ATP2C2: variants seen among roughly 807,000 people sequenced by gnomAD.
ATP2C2 encodes the protein calcium-transporting ATPase type 2C member 2.
Under a neutral mutation model 110.8 loss-of-function variants are expected in ATP2C2, and 171 were observed. That is an observed-to-expected ratio of 1.54 (90% confidence interval 1.36 to 1.75). The LOEUF (loss-of-function observed/expected upper bound fraction) is 1.75. Ranked by LOEUF, ATP2C2 falls within the 40% of genes most tolerant of loss-of-function variation. The pLI is 0.00. For synonymous variants in ATP2C2, 804 were observed against 508.4 expected (o/e 1.58, Z -7.82); for missense variants, 1,963 against 1,235.0 (o/e 1.59, Z -8.84).
Position 84,423,173 on chromosome 16 carries a change from T to G in ATP2C2, c.844-15T>G, listed in dbSNP as rs200584392. Reference sequence around the variant, plus strand: ...AGGATCTTGTCCAACTAACCCATTGTGCTCACCCTTTCAGACACCTAAAAC... The same window carrying G: ...AGGATCTTGTCCAACTAACCCATTGGGCTCACCCTTTCAGACACCTAAAAC... On this transcript the variant is annotated splice_polypyrimidine_tract_variant and intron_variant, in intron 9 of 26. Coordinates refer to ENST00000262429, the MANE Select transcript of ATP2C2 (RefSeq NM_014861.4). 3 of 1,612,216 alleles carry G rather than the reference T, an allele frequency of 1.9e-6. No homozygotes were observed. The highest frequency in any genetic ancestry group is 1.3e-5 in the African/African-American group (1 of 75,002).
chr16:84,412,516 GTC>G (rs754872677), intron 6 of ATP2C2, among the ~76,000 whole-genome samples: 3 of 144,456 alleles, frequency 2.1e-5, no homozygotes, highest in African/African-American at 2.6e-5. Flanking sequence ...GTCTGTGTGT[GTC>G]TGTGTGTGCA....
rs1169449886 is a variant in ATP2C2, at chr16:84,459,161, A to T, written c.2189A>T (p.Lys730Ile). Residue 730 changes from lysine (K) to isoleucine (I), a missense_variant, in exon 22 of 27, where the codon AAA (lysine) becomes ATA (isoleucine). Coordinates refer to ENST00000262429, the MANE Select transcript of ATP2C2 (RefSeq NM_014861.4). ...EEGKGIFYNI[K>I]NFVRFQLSTS... ...GGCAAGGGTATTTTTTACAACATCA[A>T]AAACTTTGTCCGATTCCAGCTGAGC... 5 of 1,614,052 alleles carry T rather than the reference A, an allele frequency of 3.1e-6. No homozygotes were observed.
intron 9 of ATP2C2, 43 bp from the exon 10 acceptor site, chr16:84,423,145 G>A (rs764500182): frequency 1.3e-6 from 2 of 1,551,262 alleles, no homozygotes; most frequent in Admixed American, 3.4e-5. Context: ...GCAGGCAGAA[G>A]CTAGGATCTT....
intron 7 of ATP2C2, among the ~76,000 whole-genome samples, chr16:84,421,738 G>A (rs1196396151): frequency 2.6e-5 from 4 of 152,122 alleles, no homozygotes; most frequent in Non-Finnish European, 4.4e-5. Context: ...AACTAGCTAC[G>A]GAAACTTGAA....
At chr16:84,375,779 A>T (rs1309017197) in intron 1 of ATP2C2, among the ~76,000 whole-genome samples, 2 of 152,222 alleles carry the variant, frequency 1.3e-5, no homozygotes, top group East Asian at 3.8e-4. Flanking sequence ...TTATCTTGGG[A>T]TGACAAATTT....
intron 15 of ATP2C2, among the ~76,000 whole-genome samples, chr16:84,443,180 G>T (rs1012498493): frequency 2.0e-5 from 3 of 152,108 alleles, no homozygotes; most frequent in African/African-American, 7.2e-5. Flanking sequence ...TGGGAATGCA[G>T]GTGACAGGAA....
intron 1 of ATP2C2, among the ~76,000 whole-genome samples, chr16:84,397,711 C>G (rs977273386): frequency 7.5e-6 from 1 of 133,838 alleles, no homozygotes. Flanking sequence ...TAGCCAACAA[C>G]TAACAACTGG....
chr16:84,461,635 A>G lies in ATP2C2; in HGVS notation c.2482-79A>G. The G allele has an allele frequency of 2.3e-6, 3 of 1,292,940 alleles. No individual in the cohort carries two copies. The South Asian group carries it at 3.6e-5, about 15-fold the overall frequency. 80.1% of individuals were successfully genotyped at this position (1,292,940 alleles called of 1,614,324 possible). Reference sequence around the variant, plus strand: ...TCCCAGCCATGCCCCAGGAGCAGTGAGGCAGGCCTGTGCCCTTTGGTTCAG... The same window carrying G: ...TCCCAGCCATGCCCCAGGAGCAGTGGGGCAGGCCTGTGCCCTTTGGTTCAG... On this transcript the variant is annotated intron_variant, in intron 24 of 26. Coordinates refer to ENST00000262429, the MANE Select transcript of ATP2C2 (RefSeq NM_014861.4).
intron 1 of ATP2C2, among the ~76,000 whole-genome samples, chr16:84,398,185 T>G (rs1469639236): frequency 2.0e-5 from 3 of 152,028 alleles, no homozygotes. Context: ...GCGGATCACC[T>G]GAGGTCAGGA....
chr16:84,449,574 C>T (rs1358561051), intron 17 of ATP2C2, among the ~76,000 whole-genome samples: 1 of 152,154 alleles, frequency 6.6e-6, no homozygotes, highest in African/African-American at 2.4e-5. Flanking sequence ...CTTAGCTTGC[C>T]CTGAGCCTTG....
In ATP2C2 at chr16:84,410,747, T is replaced by C; in HGVS notation, c.497T>C (p.Val166Ala). Reference protein sequence around the residue: ...EKSLEELTKLVPPECNCLREG... With the variant: ...EKSLEELTKLAPPECNCLREG... Reference sequence around the variant, plus strand: ...TCTCTGGAAGAGCTGACCAAGCTGGTTCCTCCAGAATGTAACTGGTAAGTC... The same window carrying C: ...TCTCTGGAAGAGCTGACCAAGCTGGCTCCTCCAGAATGTAACTGGTAAGTC... Residue 166 changes from valine to alanine, a missense_variant, in exon 6 of 27, where the codon GTT (valine) becomes GCT (alanine). Coordinates refer to ENST00000262429, the MANE Select transcript of ATP2C2 (RefSeq NM_014861.4). 6.2e-7 allele frequency: 1 copy of C among 1,614,156 alleles called. No individual in the cohort carries two copies. Among genetic ancestry groups the C allele is most frequent in the Non-Finnish European group, 8.5e-7 (1 of 1,179,994 alleles).
At chr16:84,404,092 T>C (rs562536224) in intron 2 of ATP2C2, among the ~76,000 whole-genome samples, 2 of 152,290 alleles carry the variant, frequency 1.3e-5, no homozygotes, top group South Asian at 4.1e-4. Flanking sequence ...ATGAACATGG[T>C]TGTTCAAACA....
Position 84,397,209 on chromosome 16 carries a change from G to A in ATP2C2, c.100-1290G>A, listed in dbSNP as rs187333166. Among the ~76,000 whole-genome samples, 5 of 151,848 alleles carry A rather than the reference G, an allele frequency of 3.3e-5. No homozygotes were observed. In the South Asian group the frequency reaches 6.2e-4, roughly 19 times the overall value. ...CTCCCGAAGCCTCCAGGTGTTTCAC[G>A]TGGCTTCTTTCCAGGCCCGCAGGTC... On this transcript the variant is annotated intron_variant, in intron 1 of 26. Coordinates refer to ENST00000262429, the MANE Select transcript of ATP2C2 (RefSeq NM_014861.4).
At chr16:84,379,569 T>C (rs1218685393) in intron 1 of ATP2C2, among the ~76,000 whole-genome samples, 2 of 152,210 alleles carry the variant, frequency 1.3e-5, no homozygotes, top group African/African-American at 4.8e-5. Context: ...GGTTCCACCC[T>C]GGAACTACAG....
chr16:84,452,038 G>C lies in ATP2C2; in HGVS notation c.1778G>C (p.Gly593Ala). 6.2e-7 allele frequency: 1 copy of C among 1,613,878 alleles called. No individual in the cohort carries two copies. Among genetic ancestry groups the C allele is most frequent in the Non-Finnish European group, 8.5e-7 (1 of 1,179,978 alleles). The stretch of plus-strand genomic sequence containing the variant: ...GCAGTCCAGGTTCTCTCCGAGTCTG[G>C]TGTGTCTGTGAAGATGATAACGGGG... ...KEAVQVLSES[G>A]VSVKMITGDA... Residue 593 changes from glycine to alanine, a missense_variant, in exon 18 of 27, where the codon GGT becomes GCT. Transcript: ENST00000262429.
chr16:84,411,641 C>G (rs1906301872), intron 6 of ATP2C2, among the ~76,000 whole-genome samples: 1 of 152,146 alleles, frequency 6.6e-6, no homozygotes, highest in East Asian at 1.9e-4. Context: ...GGGGTTTCGC[C>G]ACGTTGGCTA....
chr16:84,420,837 T>C (rs1043597880), intron 7 of ATP2C2, among the ~76,000 whole-genome samples: 5 of 152,096 alleles, frequency 3.3e-5, no homozygotes, highest in Admixed American at 3.3e-4. Flanking sequence ...GCAGAGTCTC[T>C]CTCTGTCACC....
At chr16:84,405,104 C>T (rs1254212328) in intron 2 of ATP2C2, 24 bp from the exon 3 acceptor site, 1 of 1,600,554 alleles carries the variant, frequency 6.2e-7, no homozygotes, top group Non-Finnish European at 8.6e-7. Context: ...CATGAGTGAG[C>T]TTGTGCCTGA....
intron 23 of ATP2C2, chr16:84,460,347 T>TGGGG (rs35446600): frequency 9.8e-5 from 38 of 388,680 alleles, no homozygotes; most frequent in South Asian, 3.5e-4. Flanking sequence ...GGCGCAACGT[T>TGGGG]GGGGGGGGTC....
Sources: allele counts gnomAD v4.1 joint callset (sites outside exome capture counted in the v4.1 genomes callset), GRCh38; gene constraint gnomAD v4.1.1; transcripts MANE v1.5; gene names NCBI Gene and HGNC (gene_info 2026-07-23, HGNC 2026-07-21).